The following SYNDIG1 variants were observed in gnomAD, a reference collection of about 807,000 sequenced individuals.
SYNDIG1 encodes the protein synapse differentiation-inducing gene protein 1.
In SYNDIG1, 9 loss-of-function variants were observed where a neutral mutation model predicts 19.4. The ratio of observed to expected loss-of-function variants is 0.46; its 90% CI spans 0.28 to 0.81. The LOEUF (loss-of-function observed/expected upper bound fraction) is 0.81, where lower values mean the gene tolerates loss of function less well. Ranked by LOEUF, SYNDIG1 falls within the 30% of genes least tolerant of loss-of-function variation. The pLI is 0.12. For synonymous variants in SYNDIG1, 141 were observed against 145.9 expected, an observed-to-expected ratio of 0.97 and a Z score of 0.24; for missense variants, 311 against 343.3, an observed-to-expected ratio of 0.91 and a Z score of 0.74.
At chr20:24,610,364 A>G (rs971540552) in intron 3 of SYNDIG1, among the ~76,000 whole-genome samples, 1 of 152,200 alleles carries the variant, frequency 6.6e-6, no homozygotes, top group African/African-American at 2.4e-5. Flanking sequence ...GTCATTCTTC[A>G]TTCCAGAGCC....
chr20:24,551,883 A>G (rs1488499003), intron 2 of SYNDIG1, among the ~76,000 whole-genome samples: 2 of 152,162 alleles, frequency 1.3e-5, no homozygotes, highest in Non-Finnish European at 2.9e-5. Context: ...TTGAGACTTG[A>G]TATGTGGCTT....
At position 24,666,329 on chromosome 20, in the gene SYNDIG1, G is replaced by C. The variant is rs1307444852; in HGVS notation, c.*825G>C. The stretch of plus-strand genomic sequence containing the variant: ...GCACTGCCTCAGCCTAAAGACACAG[G>C]GGCGCCTCCCAATCACCGCGCTGGC... On this transcript the variant is annotated 3_prime_UTR_variant, in exon 4 of 4. Coordinates refer to ENST00000376862, the MANE Select transcript of SYNDIG1 (RefSeq NM_024893.3). 6.6e-6 allele frequency: 1 copy of C among 152,620 alleles called. No homozygotes were observed. The highest frequency in any genetic ancestry group is 1.5e-5 in the Non-Finnish European group (1 of 68,050). 9.5% of individuals were successfully genotyped at this position (152,620 alleles called of 1,614,324 possible).
chr20:24,479,318 A>G (rs1164473854), intron 1 of SYNDIG1, among the ~76,000 whole-genome samples: 3 of 152,190 alleles, frequency 2.0e-5, no homozygotes, highest in East Asian at 3.9e-4. Flanking sequence ...TCCGCCTGCC[A>G]GGCCTTCTTT....
chr20:24,483,908 G>A (rs1024026092), intron 1 of SYNDIG1, among the ~76,000 whole-genome samples: 6 of 152,176 alleles, frequency 3.9e-5, no homozygotes, highest in African/African-American at 1.4e-4. Flanking sequence ...TCCAGATGCA[G>A]CCAAGACTCG....
At chr20:24,515,912 G>A (rs1447828400) in intron 1 of SYNDIG1, among the ~76,000 whole-genome samples, 1 of 152,150 alleles carries the variant, frequency 6.6e-6, no homozygotes, top group Non-Finnish European at 1.5e-5. Flanking sequence ...CAAAGCTGGA[G>A]GCATCACGCT....
chr20:24,522,710 G>C (rs2146553268), intron 1 of SYNDIG1, among the ~76,000 whole-genome samples: 1 of 152,256 alleles, frequency 6.6e-6, no homozygotes, highest in East Asian at 1.9e-4. Flanking sequence ...CATTTGTAAA[G>C]AAAAGAGGCT....
At position 24,665,703 on chromosome 20, in the gene SYNDIG1, G is replaced by A. The variant is rs536941668; in HGVS notation, c.*199G>A. On this transcript the variant is annotated 3_prime_UTR_variant, in exon 4 of 4. Transcript: ENST00000376862. Reference sequence around the variant, plus strand: ...GCACTGTGTAGAGCACCAGACAGACGGGCACTGCTAATCCTTCCAAAGGAA... The same window carrying A: ...GCACTGTGTAGAGCACCAGACAGACAGGCACTGCTAATCCTTCCAAAGGAA... The A allele has an allele frequency of 2.7e-5, 17 of 638,976 alleles. No homozygotes were observed. The highest frequency in any genetic ancestry group is 2.3e-4 in the South Asian group (9 of 39,372). The allele number at this position is 638,976 out of a possible 1,614,324, so 39.6% of individuals were successfully genotyped here. A position where few individuals can be genotyped will look rare whatever the true frequency, so the allele number is the denominator to read the frequency against.
intron 3 of SYNDIG1, among the ~76,000 whole-genome samples, chr20:24,623,793 A>T (rs1243550627): frequency 6.6e-6 from 1 of 152,224 alleles, no homozygotes; most frequent in East Asian, 1.9e-4. Flanking sequence ...AGTAGAGGAG[A>T]TTAAATGGAA....
At chr20:24,572,123 TCTC>T (rs1306159142) in intron 2 of SYNDIG1, among the ~76,000 whole-genome samples, 1 of 152,222 alleles carries the variant, frequency 6.6e-6, no homozygotes, top group African/African-American at 2.4e-5. Flanking sequence ...TGAGCTCCCA[TCTC>T]CTCAGCTGTA....
At chr20:24,552,214 T>A (rs1008368495) in intron 2 of SYNDIG1, among the ~76,000 whole-genome samples, 2 of 152,198 alleles carry the variant, frequency 1.3e-5, no homozygotes, top group Non-Finnish European at 2.9e-5. Flanking sequence ...AAAGCTTCTG[T>A]CACTGAAACA....
intron 1 of SYNDIG1, among the ~76,000 whole-genome samples, chr20:24,471,726 A>C (rs2055468786): frequency 6.6e-6 from 1 of 151,882 alleles, no homozygotes; most frequent in Non-Finnish European, 1.5e-5. Flanking sequence ...TGTACCCCCC[A>C]CCCAGTCACC....
At chr20:24,470,044 C>T (rs969364165) in intron 1 of SYNDIG1, among the ~76,000 whole-genome samples, 1 of 152,178 alleles carries the variant, frequency 6.6e-6, no homozygotes, top group Non-Finnish European at 1.5e-5. Context: ...TGGGCTGCAC[C>T]TTGGTGCCTT....
At chr20:24,574,359 T>G (rs1376463351) in intron 2 of SYNDIG1, among the ~76,000 whole-genome samples, 1 of 150,838 alleles carries the variant, frequency 6.6e-6, no homozygotes, top group African/African-American at 2.4e-5. Flanking sequence ...CATGGCGGCA[T>G]GCACCTTTAG....
intron 2 of SYNDIG1, among the ~76,000 whole-genome samples, chr20:24,555,611 T>G (rs982921254): frequency 2.0e-5 from 3 of 152,090 alleles, no homozygotes; most frequent in East Asian, 1.9e-4. Flanking sequence ...GTAGTTGAGC[T>G]GTTTTGAGTG....
Position 24,665,433 on chromosome 20 carries a change from A to G in SYNDIG1, c.706A>G (p.Ile236Val), listed in dbSNP as rs1267137968. 6.2e-7 allele frequency: 1 copy of G among 1,613,526 alleles called. No individual in the cohort carries two copies. The highest frequency in any genetic ancestry group is 1.1e-5 in the South Asian group (1 of 90,964). The change falls in exon 4 of 4, where the codon ATT becomes GTT. Residue 236 changes from isoleucine (I) to valine (V), a missense_variant. Transcript: ENST00000376862. ...ATTCCTGGCAGTGCTGTCCATCACCATTGGGACTGGCGTCTATGTGGGCGT... is the reference window on the plus strand; with the variant it reads ...ATTCCTGGCAGTGCTGTCCATCACCGTTGGGACTGGCGTCTATGTGGGCGT... ...ALFLAVLSITIGTGVYVGVAV... is the reference protein window; with the variant it reads ...ALFLAVLSITVGTGVYVGVAV...
chr20:24,529,934 G>A (rs558494986), intron 1 of SYNDIG1, among the ~76,000 whole-genome samples: 8 of 5,322 alleles, frequency 1.5e-3, no homozygotes, highest in Middle Eastern at 0.056. Flanking sequence ...CAATGGTGGG[G>A]ATAATGATGG....
chr20:24,484,347 C>T (rs2055897179), intron 1 of SYNDIG1, among the ~76,000 whole-genome samples: 1 of 152,156 alleles, frequency 6.6e-6, no homozygotes, highest in African/African-American at 2.4e-5. Flanking sequence ...GTGGTCTCCC[C>T]ACATGAACGA....
intron 3 of SYNDIG1, among the ~76,000 whole-genome samples, chr20:24,661,813 C>A (rs1833347813): frequency 6.6e-6 from 1 of 152,106 alleles, no homozygotes; most frequent in African/African-American, 2.4e-5. Flanking sequence ...GCCTAGAACC[C>A]ACTCCCAGAC....
intron 1 of SYNDIG1, among the ~76,000 whole-genome samples, chr20:24,520,132 C>T (rs1239650218): frequency 6.6e-6 from 1 of 152,016 alleles, no homozygotes; most frequent in East Asian, 1.9e-4. Flanking sequence ...GGGCTTTTCC[C>T]TGAGCATGCT....
Sources: allele counts gnomAD v4.1 joint callset (sites outside exome capture counted in the v4.1 genomes callset), GRCh38; gene constraint gnomAD v4.1.1; transcripts MANE v1.5; gene names NCBI Gene and HGNC (gene_info 2026-07-23, HGNC 2026-07-21).